Variants in GDI2 observed in about 807,000 individuals in gnomAD.
The protein encoded by GDI2 is GDP dissociation inhibitor 2.
A neutral mutation model predicts 54.2 loss-of-function variants in GDI2; 22 were observed. That is an observed-to-expected ratio of 0.41 (90% confidence interval 0.29 to 0.58). GDI2 has a LOEUF of 0.58. GDI2 is among the 20% of genes least tolerant of loss of function. The pLI, the probability that GDI2 is intolerant of heterozygous loss-of-function variation, is 0.35. For missense variants in GDI2, 422 were observed against 546.0 expected (o/e 0.77, Z 2.26); for synonymous variants, 177 against 182.1 (o/e 0.97, Z 0.23).
chr10:5,787,582 T>A (rs1400284426), intron 4 of GDI2, among the ~76,000 whole-genome samples: 2 of 152,172 alleles, frequency 1.3e-5, no homozygotes, highest in Non-Finnish European at 2.9e-5. Flanking sequence ...GATTTACAAT[T>A]CAGCCTTTTA....
Position 5,766,343 on chromosome 10 carries a change from C to T in GDI2, c.1137-48G>A, listed in dbSNP as rs748375369. On this transcript the variant is annotated intron_variant, in intron 9 of 10. Coordinates refer to ENST00000380191, the MANE Select transcript of GDI2 (RefSeq NM_001494.4). The surrounding 1 kb of genome is among the most constrained non-coding windows in gnomAD (Gnocchi z 5.8). ...CAGGTGAGCTGGTCCCACACCTGAC[C>T]ATGGCTCTGCCTGAGGTCAACTGAG... The T allele has an allele frequency of 6.5e-7, 1 of 1,532,692 alleles. No individual in the cohort carries two copies. Among genetic ancestry groups the T allele is most frequent in the East Asian group, 2.2e-5 (1 of 44,518 alleles). 94.9% of individuals were successfully genotyped at this position (1,532,692 alleles called of 1,614,324 possible). A position where few individuals can be genotyped will look rare whatever the true frequency, so the allele number is the denominator to read the frequency against.
At chr10:5,796,397 AT>A (rs1371610066) in intron 3 of GDI2, among the ~76,000 whole-genome samples, 2 of 152,204 alleles carry the variant, frequency 1.3e-5, no homozygotes, top group African/African-American at 4.8e-5. Context: ...AATTAAAAAA[AT>A]GTGAAAATTT....
intron 6 of GDI2, among the ~76,000 whole-genome samples, chr10:5,779,150 T>C (rs1473508100): frequency 6.6e-6 from 1 of 152,190 alleles, no homozygotes; most frequent in South Asian, 2.1e-4. Context: ...CAAAGATACA[T>C]ATTCAAGGAT....
chr10:5,812,781 C>T (rs527898321), intron 1 of GDI2, among the ~76,000 whole-genome samples: 1 of 152,206 alleles, frequency 6.6e-6, no homozygotes, highest in Non-Finnish European at 1.5e-5. Context: ...CCCGGGGCAG[C>T]GGCCGAGGCG....
At chr10:5,781,873 C>T (rs1299080981) in intron 6 of GDI2, among the ~76,000 whole-genome samples, 4 of 151,824 alleles carry the variant, frequency 2.6e-5, no homozygotes, top group Admixed American at 6.6e-5. Context: ...ATTAGCCAGG[C>T]GTGGTGGCAC....
chr10:5,780,658 C>T (rs1840735392), intron 6 of GDI2, among the ~76,000 whole-genome samples: 1 of 152,192 alleles, frequency 6.6e-6, no homozygotes, highest in Non-Finnish European at 1.5e-5. Context: ...ATTTCATTAA[C>T]AGCAGCATCA....
intron 7 of GDI2, among the ~76,000 whole-genome samples, chr10:5,770,065 T>G (rs1161897497): frequency 6.6e-6 from 1 of 152,208 alleles, no homozygotes; most frequent in Non-Finnish European, 1.5e-5. Flanking sequence ...AAGGAAATTC[T>G]GACACATGCT....
chr10:5,783,993 G>A (rs1348216319), intron 6 of GDI2, among the ~76,000 whole-genome samples: 1 of 152,142 alleles, frequency 6.6e-6, no homozygotes, highest in African/African-American at 2.4e-5. Flanking sequence ...TCTCTAGCAA[G>A]GCCGGGGAAG....
rs1564386559 is a variant in GDI2 at position 5,766,864 on chromosome 10, CGAACTGCTGAA to C, written c.992-237_992-227del. Among the ~76,000 whole-genome samples, 3 of 152,114 alleles carry C rather than the reference CGAACTGCTGAA, an allele frequency of 2.0e-5. No individual in the cohort carries two copies. Among genetic ancestry groups the C allele is most frequent in the Non-Finnish European group, 1.5e-5 (1 of 68,010 alleles). ...TAGAGATTAAGAATTGAAGTGGTAG[CGAACTGCTGAA>C]GTTTGGAATGAGATCTCTTAACAGC... On this transcript the variant is annotated intron_variant, in intron 8 of 10. Transcript: ENST00000380191. The surrounding 1 kb of genome is among the most constrained non-coding windows in gnomAD (Gnocchi z 5.8).
At position 5,799,706 on chromosome 10, in the gene GDI2, G is replaced by A. The variant is rs1006282114; in HGVS notation, c.153+892C>T. On this transcript the variant is annotated intron_variant, in intron 2 of 10. Transcript: ENST00000380191. The stretch of plus-strand genomic sequence containing the variant: ...AATTATACCAAATACAAACAGCTAC[G>A]TAAGAGATTACTGGGACCACTGGGA... Among the ~76,000 whole-genome samples the A allele has an allele frequency of 2.6e-5, 4 of 152,116 alleles. No individual in the cohort carries two copies. In the East Asian group the frequency reaches 5.8e-4, roughly 22 times the overall value.
In GDI2 at chr10:5,771,016, CA is replaced by C. The variant is rs35350509; in HGVS notation, c.820-2633del. Among the ~76,000 whole-genome samples the C allele has an allele frequency of 2.5e-3, 279 of 113,506 alleles. 1 individual carries two copies. The highest frequency in any genetic ancestry group is 5.6e-3 in the African/African-American group (163 of 28,948). 74.5% of individuals were successfully genotyped at this position (113,506 alleles called of 152,430 possible). ...GGTAAATTTTATGGGTACTTTATCACAAAAAAAAAAAATGGAGGGAAAAAGA... is the reference window on the plus strand; with the variant it reads ...GGTAAATTTTATGGGTACTTTATCACAAAAAAAAAAATGGAGGGAAAAAGA... On this transcript the variant is annotated intron_variant, in intron 7 of 10. Transcript: ENST00000380191.
chr10:5,766,160 C>T lies in GDI2; in HGVS notation c.1192-8G>A. ...TGTGCGGGAAATAAAGATCTGAAAA[C>T]AAAAATTACGAAGACTTAAGACCAT... is the stretch of plus-strand genomic sequence containing the variant. On this transcript the variant is annotated splice_region_variant and splice_polypyrimidine_tract_variant and intron_variant, in intron 10 of 10. Transcript: ENST00000380191. This position sits in a 1 kb window ranked among gnomAD's most constrained non-coding sequence, Gnocchi z 5.8. 1.2e-6 allele frequency: 2 copies of T among 1,613,650 alleles called. No individual in the cohort carries two copies. Among genetic ancestry groups the T allele is most frequent in the Non-Finnish European group, 1.7e-6 (2 of 1,179,650 alleles).
intron 1 of GDI2, among the ~76,000 whole-genome samples, chr10:5,803,803 A>G (rs1841318892): frequency 1.3e-5 from 2 of 152,212 alleles, no homozygotes; most frequent in Non-Finnish European, 2.9e-5. Flanking sequence ...TGGGGCATAT[A>G]ATCACTCAAA....
chr10:5,808,540 G>C (rs975942759), intron 1 of GDI2, among the ~76,000 whole-genome samples: 14 of 151,920 alleles, frequency 9.2e-5, no homozygotes, highest in African/African-American at 3.4e-4. Flanking sequence ...GCCGGGCGTG[G>C]TGGTGAGCAC....
chr10:5,812,872 C>A (rs1841506139), intron 1 of GDI2, among the ~76,000 whole-genome samples: 1 of 152,222 alleles, frequency 6.6e-6, no homozygotes, highest in African/African-American at 2.4e-5. Flanking sequence ...GTCACCGGCC[C>A]AAACCGGGGA....
In GDI2 at chr10:5,813,426, A is replaced by C; in HGVS notation, c.-168T>G. The C allele has an allele frequency of 5.4e-6, 2 of 372,338 alleles. No homozygotes were observed. Among genetic ancestry groups the C allele is most frequent in the Non-Finnish European group, 5.0e-6 (1 of 198,962 alleles). The allele number at this position is 372,338 out of a possible 1,614,324, so 23.1% of individuals were successfully genotyped here. On this transcript the variant is annotated 5_prime_UTR_variant, in exon 1 of 11. Coordinates refer to ENST00000380191, the MANE Select transcript of GDI2 (RefSeq NM_001494.4). ...ACCGACCGCCACCTCAGACGGGAAG[A>C]GAAGAACTGGGCGGGGAGAGGAGGG...
At chr10:5,769,574 GA>G (rs549279365) in intron 7 of GDI2, among the ~76,000 whole-genome samples, 3,272 of 83,660 alleles carry the variant, frequency 0.039, 64 homozygotes, top group African/African-American at 0.076. Flanking sequence ...CGTCTCAAAA[GA>G]AAAAAAAAAA....
At chr10:5,767,805 ATG>A (rs1416033362) in intron 8 of GDI2, among the ~76,000 whole-genome samples, 1 of 152,258 alleles carries the variant, frequency 6.6e-6, no homozygotes, top group African/African-American at 2.4e-5. Flanking sequence ...GATCACAGAA[ATG>A]AAAGGTGGAC....
chr10:5,804,619 A>G (rs2131719795), intron 1 of GDI2, among the ~76,000 whole-genome samples: 1 of 152,282 alleles, frequency 6.6e-6, no homozygotes, highest in South Asian at 2.1e-4. Context: ...TGTTTTGTGC[A>G]TGGTCTATTT....
Sources: gnomAD v4.1 joint callset for allele counts (sites outside exome capture counted in the v4.1 genomes callset) on GRCh38, gnomAD v4.1.1 for gene constraint, Gnocchi (gnomAD v3.1) non-coding constraint, MANE v1.5 for transcripts, NCBI Gene and HGNC (gene_info 2026-07-23, HGNC 2026-07-21) for gene names.